RSPH14: variants seen among roughly 807,000 people sequenced by gnomAD.
RSPH14 encodes the protein rhabdoid tumor deletion region gene 1.
In RSPH14, 20 loss-of-function variants were observed where a neutral mutation model predicts 26.7. The observed-to-expected ratio is 0.75, with a 90% confidence interval of 0.53 to 1.09. RSPH14 has a LOEUF of 1.09. RSPH14 is among the 50% of genes least tolerant of loss of function. The pLI, the probability that RSPH14 is intolerant of heterozygous loss-of-function variation, is 0.00. For missense variants in RSPH14, 449 were observed against 457.2 expected (o/e 0.98, Z 0.16); for synonymous variants, 177 against 189.3 (o/e 0.93, Z 0.53).
rs531780742 is a variant in RSPH14, at chr22:23,083,825, G to A, written c.422-19692C>T. Among the ~76,000 whole-genome samples, 3 of 152,340 alleles carry A rather than the reference G, an allele frequency of 2.0e-5. No individual in the cohort carries two copies. In the South Asian group the frequency reaches 6.2e-4, roughly 32 times the overall value. On this transcript the variant is annotated intron_variant, in intron 4 of 6. Transcript: ENST00000216036. ...GCACACCACACCTGTTCAAGGTCGCGCGGGCCAGGTGGCAGGCCCAGACTG... is the reference window on the plus strand; with the variant it reads ...GCACACCACACCTGTTCAAGGTCGCACGGGCCAGGTGGCAGGCCCAGACTG...
the RSPH14 span, among the ~76,000 whole-genome samples, chr22:23,169,005 G>A: frequency 2.0e-4 from 31 of 152,328 alleles, no homozygotes; most frequent in East Asian, 5.8e-3. Context: ...TCTTGTCCCA[G>A]CAATTTCGCC....
intron 4 of RSPH14, among the ~76,000 whole-genome samples, chr22:23,089,760 G>A (rs752303760): frequency 5.9e-5 from 9 of 152,150 alleles, no homozygotes; most frequent in South Asian, 2.1e-4. Context: ...GGAAGCAAGC[G>A]GCCCTCAGCA....
intron 6 of RSPH14, among the ~76,000 whole-genome samples, chr22:23,060,241 G>T (rs112562128): frequency 0.048 from 7,337 of 152,152 alleles, 643 homozygotes; most frequent in African/African-American, 0.17. Context: ...GGAGGCCGAG[G>T]CTGGTGGATC....
At chr22:23,108,493 G>T (rs548507564) in intron 4 of RSPH14, among the ~76,000 whole-genome samples, 1 of 152,030 alleles carries the variant, frequency 6.6e-6, no homozygotes, top group Non-Finnish European at 1.5e-5. Context: ...GGAGACAGCC[G>T]GGAGAGGCCT....
upstream of RSPH14, chr22:23,146,689 G>A (rs1367545094): frequency 1.9e-6 from 3 of 1,613,558 alleles, no homozygotes. Flanking sequence ...CCCTAAGGTA[G>A]AGAGTCATTA....
the RSPH14 span, among the ~76,000 whole-genome samples, chr22:23,155,282 T>C: frequency 6.6e-6 from 1 of 152,344 alleles, no homozygotes; most frequent in South Asian, 2.1e-4. Context: ...CTACCTGCCT[T>C]GTTCTAAGCC....
the RSPH14 span, chr22:23,160,821 T>C: frequency 0.5 from 791,625 of 1,574,520 alleles, 200,652 homozygotes; most frequent in East Asian, 0.63. Context: ...CACACCCAGA[T>C]GCATTAAGGG....
the RSPH14 span, among the ~76,000 whole-genome samples, chr22:23,171,842 C>CAAA: frequency 2.0e-3 from 60 of 30,630 alleles, 3 homozygotes; most frequent in East Asian, 6.2e-3. Context: ...AACTCTGTCT[C>CAAA]AAAAAAAAAA....
rs1426686305 is a variant in RSPH14, at chr22:23,071,470, A to G, written c.422-7337T>C. On this transcript the variant is annotated intron_variant, in intron 4 of 6. Coordinates refer to ENST00000216036, the MANE Select transcript of RSPH14 (RefSeq NM_014433.3). This position sits in a 1 kb window ranked among gnomAD's most constrained non-coding sequence, Gnocchi z 4.1. ...TCTGTCTTGCTTGGGGAGACAGCTG[A>G]GCCCCTGACCGGCTCCTTTCTGCCC... 1.3e-5 allele frequency among the ~76,000 whole-genome samples: 2 copies of G among 152,284 alleles called. No homozygotes were observed. The highest frequency in any genetic ancestry group is 3.9e-4 in the East Asian group (2 of 5,170).
Position 23,059,684 on chromosome 22 carries a change from G to A in RSPH14, c.825C>T (p.Gly275=), listed in dbSNP as rs746497836. The change falls in exon 7 of 7, where the codon GGC becomes GGT. Residue 275 remains glycine, a synonymous_variant. Coordinates refer to ENST00000216036, the MANE Select transcript of RSPH14 (RefSeq NM_014433.3). ...KYAALEAQAI[G]LLLELLHSPM... is the part of the protein sequence containing the mutation. ...GGGAGTGCAGCAGCTCCAGGAGCAG[G>A]CCGATGGCTTGTGCCTCCAGGGCCG... 1 of 1,563,498 alleles carries A rather than the reference G, an allele frequency of 6.4e-7. No individual in the cohort carries two copies. The highest frequency in any genetic ancestry group is 1.4e-5 in the African/African-American group (1 of 73,282).
At chr22:23,158,778 G>A in the RSPH14 span, 6 of 850,934 alleles carry the variant, frequency 7.1e-6, no homozygotes, top group Admixed American at 6.2e-5. Flanking sequence ...GGGCCAGGAA[G>A]CCCTCCTTGT....
At chr22:23,093,282 G>A (rs949008825) in intron 4 of RSPH14, among the ~76,000 whole-genome samples, 3 of 152,208 alleles carry the variant, frequency 2.0e-5, no homozygotes, top group African/African-American at 4.8e-5. Context: ...GTTCCCTGGT[G>A]CACTTCTCAT....
intron 4 of RSPH14, among the ~76,000 whole-genome samples, chr22:23,082,377 A>ATTTTTTTT (rs34931887): frequency 8.6e-6 from 1 of 116,504 alleles, no homozygotes; most frequent in South Asian, 2.8e-4. Context: ...ACACCTGGCT[A>ATTTTTTTT]TTTTTTTTTT....
intron 4 of RSPH14, among the ~76,000 whole-genome samples, chr22:23,128,188 T>A (rs1448260415): frequency 6.6e-6 from 1 of 152,202 alleles, no homozygotes; most frequent in Non-Finnish European, 1.5e-5. Context: ...AAAATCTGGT[T>A]AGAGAAGAAT....
chr22:23,094,145 A>G (rs995459192), intron 4 of RSPH14, among the ~76,000 whole-genome samples: 15 of 152,112 alleles, frequency 9.9e-5, no homozygotes, highest in Non-Finnish European at 2.9e-5. Context: ...GGGTGGTATT[A>G]AAGGGGCGAA....
the RSPH14 span, among the ~76,000 whole-genome samples, chr22:23,171,943 C>A: frequency 6.6e-6 from 1 of 151,500 alleles, no homozygotes; most frequent in African/African-American, 2.4e-5. Flanking sequence ...AGCTTCCTAT[C>A]TAACAGGCCA....
At chr22:23,156,147 C>CT in the RSPH14 span, 1 of 870,078 alleles carries the variant, frequency 1.1e-6, no homozygotes, top group Non-Finnish European at 1.8e-6. Flanking sequence ...TCCTCCAAGA[C>CT]CCACTGAGAA....
chr22:23,170,188 T>C, the RSPH14 span, among the ~76,000 whole-genome samples: 2 of 150,800 alleles, frequency 1.3e-5, no homozygotes, highest in South Asian at 4.2e-4. Context: ...CCCAGAAATA[T>C]ACCGTTCCTA....
intron 4 of RSPH14, among the ~76,000 whole-genome samples, chr22:23,113,427 C>T (rs1006684194): frequency 2.0e-5 from 3 of 152,238 alleles, no homozygotes; most frequent in Non-Finnish European, 4.4e-5. Context: ...CTGCCCATAC[C>T]CCTTTGGCCT....
Sources: allele counts gnomAD v4.1 joint callset (sites outside exome capture counted in the v4.1 genomes callset), GRCh38; gene constraint gnomAD v4.1.1; non-coding constraint Gnocchi (gnomAD v3.1); transcripts MANE v1.5; gene names NCBI Gene and HGNC (gene_info 2026-07-23, HGNC 2026-07-21).